The following STK39 variants were observed in gnomAD, a reference collection of about 807,000 sequenced individuals.
STK39 encodes the protein serine/threonine kinase 39.
A neutral mutation model predicts 77.8 loss-of-function variants in STK39; 20 were observed. That is an observed-to-expected ratio of 0.26 (90% CI 0.18 to 0.37). The LOEUF (loss-of-function observed/expected upper bound fraction) is 0.37, where lower values mean the gene tolerates loss of function less well. Ranked by LOEUF, STK39 falls within the 10% of genes least tolerant of loss-of-function variation. The pLI is 1.00. For synonymous variants in STK39, 246 were observed against 234.1 expected (o/e 1.05, Z -0.47); for missense variants, 479 against 656.5 (o/e 0.73, Z 2.95).
At chr2:168,153,085 A>G (rs1193997294) in intron 5 of STK39, among the ~76,000 whole-genome samples, 1 of 152,262 alleles carries the variant, frequency 6.6e-6, no homozygotes, top group East Asian at 1.9e-4. Context: ...TTGAATCTTC[A>G]AAGAATCTGC....
At chr2:167,967,050 A>G (rs1190608126) in intron 16 of STK39, among the ~76,000 whole-genome samples, 1 of 152,208 alleles carries the variant, frequency 6.6e-6, no homozygotes, top group Non-Finnish European at 1.5e-5. Context: ...TGAGCTGAGA[A>G]GGAAGGGCTG....
chr2:167,976,732 C>T (rs926380169), intron 16 of STK39, among the ~76,000 whole-genome samples: 2 of 152,248 alleles, frequency 1.3e-5, no homozygotes, highest in Non-Finnish European at 2.9e-5. Context: ...AACCAATCAG[C>T]AGCAAGCACC....
intron 16 of STK39, among the ~76,000 whole-genome samples, chr2:167,996,637 T>C (rs373956507): frequency 2.0e-5 from 3 of 152,186 alleles, no homozygotes; most frequent in African/African-American, 7.2e-5. Context: ...AGAAGGCTTA[T>C]TGCATTGTCT....
Position 168,057,718 on chromosome 2 carries a change from C to T in STK39, c.1376+5782G>A, listed in dbSNP as rs115118145. 7.1e-4 allele frequency among the ~76,000 whole-genome samples: 108 copies of T among 152,256 alleles called. 1 individual carries two copies. Among genetic ancestry groups the T allele is most frequent in the African/African-American group, 2.0e-3 (84 of 41,542 alleles). On this transcript the variant is annotated intron_variant, in intron 14 of 17. Coordinates refer to ENST00000355999, the MANE Select transcript of STK39 (RefSeq NM_013233.3). ...CTCCTCTCTTCTAAAACCTCCATCA[C>T]GTTCTTTTCCTTCCACTCTCAACTA...
At chr2:168,071,394 T>G (rs1365660506) in intron 12 of STK39, among the ~76,000 whole-genome samples, 2 of 152,140 alleles carry the variant, frequency 1.3e-5, no homozygotes, top group Non-Finnish European at 2.9e-5. Context: ...TTCTAGTGGC[T>G]TATAGTCAAA....
chr2:168,221,528 CAG>C (rs1224025952), intron 1 of STK39, among the ~76,000 whole-genome samples: 3 of 152,266 alleles, frequency 2.0e-5, no homozygotes, highest in African/African-American at 7.2e-5. Context: ...GTCCGCAAGA[CAG>C]AATAGATGGC....
chr2:168,061,937 T>A (rs1685675895), intron 14 of STK39, among the ~76,000 whole-genome samples: 1 of 152,152 alleles, frequency 6.6e-6, no homozygotes, highest in Admixed American at 6.5e-5. Flanking sequence ...GGGGGAGAAT[T>A]ACAGCCCATA....
intron 17 of STK39, among the ~76,000 whole-genome samples, chr2:167,959,549 C>T (rs1410460489): frequency 6.6e-6 from 1 of 151,880 alleles, no homozygotes; most frequent in East Asian, 1.9e-4. Flanking sequence ...AATGATGTTT[C>T]ATGAAGAAAG....
intron 10 of STK39, among the ~76,000 whole-genome samples, chr2:168,081,913 G>C (rs946162085): frequency 6.6e-6 from 1 of 152,126 alleles, no homozygotes; most frequent in African/African-American, 2.4e-5. Context: ...CTTGCTTTCT[G>C]CCATGATTGT....
chr2:168,209,495 G>A lies in STK39; in HGVS notation c.209-27405C>T, dbSNP rs186161391. 5.2e-4 allele frequency among the ~76,000 whole-genome samples: 79 copies of A among 152,094 alleles called. 1 individual carries two copies. Among genetic ancestry groups the A allele is most frequent in the Admixed American group, 5.1e-3 (78 of 15,282 alleles). On this transcript the variant is annotated intron_variant, in intron 1 of 17. Coordinates refer to ENST00000355999, the MANE Select transcript of STK39 (RefSeq NM_013233.3). The stretch of plus-strand genomic sequence containing the variant: ...AGTTTGAGACTAGCCTGACCAACAT[G>A]GAGAAACCCCATCTCTACTAAAAAT...
chr2:168,190,458 C>A (rs991424597), intron 1 of STK39, among the ~76,000 whole-genome samples: 1 of 152,184 alleles, frequency 6.6e-6, no homozygotes, highest in Non-Finnish European at 1.5e-5. Flanking sequence ...CAGTTCAATT[C>A]TAAAGTCAGG....
chr2:168,237,532 AG>A (rs1470517474), intron 1 of STK39, among the ~76,000 whole-genome samples: 4 of 152,176 alleles, frequency 2.6e-5, no homozygotes, highest in African/African-American at 9.7e-5. Context: ...CAGTTTTCAA[AG>A]GGAATGCTTC....
At chr2:168,053,323 G>A (rs1685444321) in intron 14 of STK39, among the ~76,000 whole-genome samples, 1 of 151,910 alleles carries the variant, frequency 6.6e-6, no homozygotes, top group Non-Finnish European at 1.5e-5. Context: ...AGTAAACAGA[G>A]CAGATTAGAA....
chr2:168,084,035 TA>T (rs34902311), intron 10 of STK39, among the ~76,000 whole-genome samples: 145,146 of 147,778 alleles, frequency 0.98, 71,282 homozygotes, highest in Non-Finnish European at 0.99. Context: ...CATATCAAGT[TA>T]AAAAAAAAAA....
chr2:168,018,537 G>GAAAAGAAAGA (rs1559059415), intron 14 of STK39, among the ~76,000 whole-genome samples: 9 of 43,302 alleles, frequency 2.1e-4, no homozygotes, highest in Non-Finnish European at 4.6e-4. Context: ...AGAAAAGAAA[G>GAAAAGAAAGA]AAAAGAAAGA....
At chr2:168,185,458 C>G (rs1283665796) in intron 1 of STK39, among the ~76,000 whole-genome samples, 1 of 152,178 alleles carries the variant, frequency 6.6e-6, no homozygotes, top group African/African-American at 2.4e-5. Context: ...AGAGATTGCT[C>G]ACGTTCATTA....
intron 1 of STK39, among the ~76,000 whole-genome samples, chr2:168,213,290 C>T (rs1225227766): frequency 6.6e-6 from 1 of 152,230 alleles, no homozygotes; most frequent in African/African-American, 2.4e-5. Context: ...ATAATAACCA[C>T]ATACCTCAAA....
chr2:167,972,087 G>A (rs985957813), intron 16 of STK39, among the ~76,000 whole-genome samples: 1 of 151,984 alleles, frequency 6.6e-6, no homozygotes, highest in Admixed American at 6.5e-5. Flanking sequence ...GATGTGGCTT[G>A]GCCCCAGGGC....
intron 16 of STK39, among the ~76,000 whole-genome samples, chr2:168,006,489 T>C (rs1684137252): frequency 6.6e-6 from 1 of 152,188 alleles, no homozygotes; most frequent in Non-Finnish European, 1.5e-5. Flanking sequence ...CCGGCTGTTT[T>C]TTCACCAGAA....
Sources: allele counts gnomAD v4.1 joint callset (sites outside exome capture counted in the v4.1 genomes callset), GRCh38; gene constraint gnomAD v4.1.1; transcripts MANE v1.5; gene names NCBI Gene and HGNC (gene_info 2026-07-23, HGNC 2026-07-21).